The following GMCL1 variants were observed in gnomAD, a reference collection of about 807,000 sequenced individuals.
GMCL1 encodes germ cell-less 1, spermatogenesis associated, also known as germ cell-less protein-like 1.
In GMCL1, 54 loss-of-function variants were observed where a neutral mutation model predicts 75.5. The observed-to-expected ratio is 0.71, with a 90% CI of 0.57 to 0.90. GMCL1 has a LOEUF of 0.90. GMCL1 is among the 40% of genes least tolerant of loss of function. The pLI is 0.00. For missense variants in GMCL1, 537 were observed against 622.7 expected, an observed-to-expected ratio of 0.86 and a Z score of 1.47; for synonymous variants, 210 against 209.6, an observed-to-expected ratio of 1.00 and a Z score of -0.02.
intron 8 of GMCL1, among the ~76,000 whole-genome samples, chr2:69,851,524 C>T (rs182988638): frequency 2.0e-3 from 304 of 152,154 alleles, no homozygotes; most frequent in Admixed American, 5.1e-3. Context: ...GGAGGAGAAT[C>T]GCTGGAAACC....
chr2:69,852,183 A>G (rs1323473062), intron 8 of GMCL1, among the ~76,000 whole-genome samples: 1 of 152,224 alleles, frequency 6.6e-6, no homozygotes, highest in Non-Finnish European at 1.5e-5. Context: ...ATGTTGATAG[A>G]ACCTTATGAT....
chr2:69,857,084 G>C (rs1007060079), intron 9 of GMCL1, among the ~76,000 whole-genome samples: 1 of 152,044 alleles, frequency 6.6e-6, no homozygotes, highest in East Asian at 1.9e-4. Context: ...TAGTTTTCAG[G>C]CTATTATATA....
chr2:69,843,324 TTAAGAGAATG>T, intron 5 of GMCL1, 63 bp downstream of exon 5: 1 of 817,298 alleles, frequency 1.2e-6, no homozygotes, highest in Non-Finnish European at 2.1e-6. Flanking sequence ...CTTTAGTTTC[TTAAGAGAATG>T]TATAGCTATA....
intron 1 of GMCL1, among the ~76,000 whole-genome samples, chr2:69,836,852 A>G (rs1211672313): frequency 6.6e-6 from 1 of 152,178 alleles, no homozygotes; most frequent in African/African-American, 2.4e-5. Flanking sequence ...TTGAAGTTAG[A>G]TGGGATGCTC....
chr2:69,854,082 C>T (rs1415790584), intron 8 of GMCL1, among the ~76,000 whole-genome samples: 4 of 151,664 alleles, frequency 2.6e-5, no homozygotes, highest in Non-Finnish European at 5.9e-5. Flanking sequence ...GGATTACAGG[C>T]GTGAGCCACC....
intron 13 of GMCL1, among the ~76,000 whole-genome samples, chr2:69,872,355 CAA>C (rs1286559154): frequency 6.6e-6 from 1 of 152,090 alleles, no homozygotes; most frequent in Non-Finnish European, 1.5e-5. Flanking sequence ...GGAGAAGTTT[CAA>C]AGTGTCATGA....
intron 13 of GMCL1, among the ~76,000 whole-genome samples, 163 bp from the exon 14 acceptor site, chr2:69,878,746 C>A (rs781507900): frequency 6.6e-6 from 1 of 152,176 alleles, no homozygotes; most frequent in South Asian, 2.1e-4. Flanking sequence ...AGTGAGGAAG[C>A]TGCATTTGAC....
Position 69,867,975 on chromosome 2 carries a change from G to A in GMCL1, c.1219-1744G>A, listed in dbSNP as rs1403859978. 2.6e-5 allele frequency among the ~76,000 whole-genome samples: 4 copies of A among 152,316 alleles called. No individual in the cohort carries two copies. The East Asian group carries it at 7.7e-4, about 29-fold the overall frequency. ...GAATCTGTACATCATCTTACCAGTA[G>A]TTCTGCCAGTCTACCTGCACCTGTA... On this transcript the variant is annotated intron_variant, in intron 11 of 13. Transcript: ENST00000282570.
intron 7 of GMCL1, among the ~76,000 whole-genome samples, chr2:69,848,170 C>T (rs1177694229): frequency 6.6e-6 from 1 of 152,206 alleles, no homozygotes; most frequent in African/African-American, 2.4e-5. Flanking sequence ...AGGTTTGAGG[C>T]AGAGACTGGG....
intron 10 of GMCL1, among the ~76,000 whole-genome samples, chr2:69,862,012 A>AAAAC (rs144510881): frequency 5.9e-5 from 9 of 152,240 alleles, no homozygotes; most frequent in African/African-American, 1.7e-4. Context: ...TCAAAAAAAC[A>AAAAC]AAACAAACAA....
intron 4 of GMCL1, 157 bp from the exon 5 acceptor site, chr2:69,842,990 TAA>T (rs75708775): frequency 0.015 from 3,275 of 213,498 alleles, 152 homozygotes; most frequent in Admixed American, 0.12. Flanking sequence ...TTGGACTTGT[TAA>T]AAAAAAAAAA....
rs1674619174 is a variant in GMCL1, at chr2:69,829,917, C to T, written c.25C>T (p.Leu9=). MGSLSSRV[L]RQPRPALAQQ... is the part of the protein sequence containing the mutation. ...CATGGGATCGTTGAGCAGCCGGGTG[C>T]TGCGCCAGCCAAGACCAGCCCTTGC... Residue 9 remains leucine (L), a synonymous_variant, in exon 1 of 14, where the codon CTG becomes TTG. Coordinates refer to ENST00000282570, the MANE Select transcript of GMCL1 (RefSeq NM_178439.5). The T allele has an allele frequency of 1.2e-6, 2 of 1,602,834 alleles. No homozygotes were observed. The highest frequency in any genetic ancestry group is 8.5e-7 in the Non-Finnish European group (1 of 1,175,054).
intron 9 of GMCL1, among the ~76,000 whole-genome samples, chr2:69,860,618 G>T (rs989212216): frequency 1.3e-5 from 2 of 151,986 alleles, no homozygotes; most frequent in African/African-American, 4.8e-5. Context: ...TATAGTTTCA[G>T]ATATGATTTT....
At chr2:69,830,292 A>G in intron 1 of GMCL1, 140 bp downstream of exon 1, 1 of 1,172,902 alleles carries the variant, frequency 8.5e-7, no homozygotes. Flanking sequence ...GTGAATGTGG[A>G]AGCCGGCCCG....
rs562248018 is a variant in GMCL1, at chr2:69,845,712, C to T, written c.758+1516C>T. ...GAGATGATTTTGTCATGGTCTCTTGCTGTCAAAGAGCTTATTTGTAGTAAT... is the reference window on the plus strand; with the variant it reads ...GAGATGATTTTGTCATGGTCTCTTGTTGTCAAAGAGCTTATTTGTAGTAAT... On this transcript the variant is annotated intron_variant, in intron 6 of 13. Coordinates refer to ENST00000282570, the MANE Select transcript of GMCL1 (RefSeq NM_178439.5). Among the ~76,000 whole-genome samples, 9 of 152,310 alleles carry T rather than the reference C, an allele frequency of 5.9e-5. No homozygotes were observed. The South Asian group carries it at 1.7e-3, about 28-fold the overall frequency.
chr2:69,836,099 C>T (rs1674810588), intron 1 of GMCL1, among the ~76,000 whole-genome samples: 2 of 152,154 alleles, frequency 1.3e-5, no homozygotes, highest in African/African-American at 4.8e-5. Context: ...TTTTCTGCCC[C>T]TCTTCTTACT....
In GMCL1 at chr2:69,839,439, C is replaced by CTTT. The variant is rs3832156; in HGVS notation, c.385-10_385-8dup. On this transcript the variant is annotated splice_polypyrimidine_tract_variant and intron_variant, in intron 2 of 13. Coordinates refer to ENST00000282570, the MANE Select transcript of GMCL1 (RefSeq NM_178439.5). ...ACAGAAAGTACTTGATAATCGTTGA[C>CTTT]TTTTTTTTTTGTTTAAGTCTGGCTA... The CTTT allele has an allele frequency of 4.1e-3, 5,485 of 1,326,114 alleles. 2 individuals are homozygous for CTTT. Among genetic ancestry groups the CTTT allele is most frequent in the Non-Finnish European group, 4.6e-3 (4,442 of 961,058 alleles). 82.1% of individuals were successfully genotyped at this position (1,326,114 alleles called of 1,614,324 possible).
intron 6 of GMCL1, chr2:69,844,829 C>T (rs759017037): frequency 8.8e-5 from 33 of 373,634 alleles, no homozygotes; most frequent in Non-Finnish European, 1.4e-4. Context: ...GGTTCTTCAC[C>T]GTCACCTCCT....
chr2:69,871,856 T>A, intron 13 of GMCL1, 24 bp downstream of exon 13: 1 of 1,327,372 alleles, frequency 7.5e-7, no homozygotes, highest in South Asian at 1.3e-5. Context: ...TCTTCTGGTA[T>A]GTCATCATAA....
Sources: gnomAD v4.1 joint callset for allele counts (sites outside exome capture counted in the v4.1 genomes callset) on GRCh38, gnomAD v4.1.1 for gene constraint, MANE v1.5 for transcripts, NCBI Gene and HGNC (gene_info 2026-07-23, HGNC 2026-07-21) for gene names.